CYP4F3: variants seen among roughly 807,000 people sequenced by gnomAD.
The protein encoded by CYP4F3 is cytochrome P450 4F3.
A neutral mutation model predicts 54.8 loss-of-function variants in CYP4F3; 50 were observed. That is an observed-to-expected ratio of 0.91 (90% confidence interval 0.73 to 1.16). The LOEUF (loss-of-function observed/expected upper bound fraction) is 1.16. Among genes scored for constraint, CYP4F3 ranks in the 50% most tolerant of loss-of-function variants. The probability of loss-of-function intolerance (pLI) is 0.00; values close to 1 mark genes in which losing one functional copy is unlikely to be tolerated. For missense variants in CYP4F3, 715 were observed against 676.2 expected, an observed-to-expected ratio of 1.06 and a Z score of -0.64; for synonymous variants, 244 against 262.6, an observed-to-expected ratio of 0.93 and a Z score of 0.69.
At chr19:15,649,430 T>C in intron 6 of CYP4F3, 149 bp downstream of exon 6, 2 of 1,381,574 alleles carry the variant, frequency 1.4e-6, no homozygotes, top group Non-Finnish European at 2.0e-6. Context: ...GAATTTTATC[T>C]TGAGGTTTCC....
In CYP4F3 at chr19:15,659,381, G is replaced by A. The variant is rs1973132144; in HGVS notation, c.1559G>A (p.Ser520Asn). 1 of 1,610,892 alleles carries A rather than the reference G, an allele frequency of 6.2e-7. No individual in the cohort carries two copies. The highest frequency in any genetic ancestry group is 8.5e-7 in the Non-Finnish European group (1 of 1,178,382). Reference protein sequence around the residue: ...GGLWLRVEPLS With the variant: ...GGLWLRVEPLN ...CTTTGGCTGCGGGTGGAGCCCCTGA[G>A]CTGAGTTCTGCAGAGACCCACTCTG... Residue 520 changes from serine to asparagine, a missense_variant, in exon 13 of 13, where the codon AGC (serine) becomes AAC (asparagine). By Grantham distance (46) the Ser-to-Asn change is conservative. Coordinates refer to ENST00000221307, the MANE Select transcript of CYP4F3 (RefSeq NM_000896.3).
At chr19:15,651,153 C>T (rs62104381) in intron 7 of CYP4F3, among the ~76,000 whole-genome samples, 3,858 of 104,368 alleles carry the variant, frequency 0.037, 288 homozygotes, top group South Asian at 0.063. Flanking sequence ...GGATTACAGG[C>T]GTGAGCCACT....
rs373982161 is a variant in CYP4F3, at chr19:15,654,078, AG to A, written c.1115+1128del. The stretch of plus-strand genomic sequence containing the variant: ...GTGGGGACATTCTGAGGCTCAAGCC[AG>A]GCCAGGGGCTGGAGGAAGGAGAGGA... On this transcript the variant is annotated intron_variant, in intron 9 of 12. Coordinates refer to ENST00000221307, the MANE Select transcript of CYP4F3 (RefSeq NM_000896.3). Among the ~76,000 whole-genome samples, 107 of 143,712 alleles carry A rather than the reference AG, an allele frequency of 7.4e-4. 1 individual carries two copies. The highest frequency in any genetic ancestry group is 2.5e-3 in the African/African-American group (100 of 40,102). The allele number at this position is 143,712 out of a possible 152,430, so 94.3% of individuals were successfully genotyped here. A position where few individuals can be genotyped will look rare whatever the true frequency, so the allele number is the denominator to read the frequency against.
At chr19:15,658,158 G>C in intron 9 of CYP4F3, 106 bp from the exon 10 acceptor site, 1 of 1,557,718 alleles carries the variant, frequency 6.4e-7, no homozygotes, top group Non-Finnish European at 8.6e-7. Flanking sequence ...CTTTTAAAAA[G>C]TTTATTTCGT....
At chr19:15,645,035 C>A (rs549726407) in intron 2 of CYP4F3, among the ~76,000 whole-genome samples, 59 of 152,224 alleles carry the variant, frequency 3.9e-4, no homozygotes, top group Non-Finnish European at 6.3e-4. Flanking sequence ...AGTGTTACTT[C>A]CTCTCTTGGC....
Position 15,652,576 on chromosome 19 carries a change from A to T in CYP4F3, c.926A>T (p.Asp309Val). Reference protein sequence around the residue: ...IDVLLLSKDEDGKKLSDEDIR... With the variant: ...IDVLLLSKDEVGKKLSDEDIR... ...TTATTGCCTTCTCTCCAGGATGAAG[A>T]TGGGAAGAAGTTGTCCGATGAGGAC... is the stretch of plus-strand genomic sequence containing the variant. The change falls in exon 8 of 13, where the codon GAT becomes GTT. Residue 309 changes from aspartate to valine, a missense_variant. Transcript: ENST00000221307. The T allele has an allele frequency of 6.2e-7, 1 of 1,614,124 alleles. No homozygotes were observed. Among genetic ancestry groups the T allele is most frequent in the Non-Finnish European group, 8.5e-7 (1 of 1,180,008 alleles).
intron 6 of CYP4F3, among the ~76,000 whole-genome samples, chr19:15,649,704 G>T (rs1972730302): frequency 6.6e-6 from 1 of 152,116 alleles, no homozygotes; most frequent in Non-Finnish European, 1.5e-5. Context: ...CTAGCTGCAT[G>T]GAGGCATCTC....
intron 9 of CYP4F3, among the ~76,000 whole-genome samples, chr19:15,653,824 G>C (rs1030848255): frequency 1.3e-5 from 2 of 152,018 alleles, no homozygotes; most frequent in African/African-American, 4.8e-5. Context: ...GGGAGAAAGA[G>C]GGAGAGACTG....
intron 9 of CYP4F3, 39 bp from the exon 10 acceptor site, chr19:15,658,225 G>T: frequency 6.2e-7 from 1 of 1,603,042 alleles, no homozygotes; most frequent in Non-Finnish European, 8.5e-7. Context: ...TTGTGTCTTT[G>T]CTCCCTTGAT....
At chr19:15,644,650 T>C (rs752975102) in intron 2 of CYP4F3, among the ~76,000 whole-genome samples, 4 of 152,244 alleles carry the variant, frequency 2.6e-5, no homozygotes, top group African/African-American at 9.6e-5. Context: ...CCATCTCTGG[T>C]GTGGGTCAAG....
rs149914442 is a variant in CYP4F3, at chr19:15,658,346, C to G, written c.1198C>G (p.Arg400Gly). Reference protein sequence around the residue: ...RLHPPVPAVSRCCTQDIVLPD... With the variant: ...RLHPPVPAVSGCCTQDIVLPD... ...GCATCCCCCAGTCCCTGCCGTCTCTCGCTGCTGCACCCAAGACATTGTGCT... is the reference window on the plus strand; with the variant it reads ...GCATCCCCCAGTCCCTGCCGTCTCTGGCTGCTGCACCCAAGACATTGTGCT... The change falls in exon 10 of 13, where the codon CGC becomes GGC. Residue 400 changes from arginine to glycine, a missense_variant. By Grantham distance (125) the Arg-to-Gly change is moderately radical. Transcript: ENST00000221307. 3 of 1,614,054 alleles carry G rather than the reference C, an allele frequency of 1.9e-6. No individual in the cohort carries two copies. Among genetic ancestry groups the G allele is most frequent in the African/African-American group, 2.7e-5 (2 of 74,922 alleles).
rs374074246 is a variant in CYP4F3, at chr19:15,658,293, C to T, written c.1145C>T (p.Thr382Ile). The change falls in exon 10 of 13, where the codon ACC (threonine) becomes ATC (isoleucine). Residue 382 changes from threonine (T) to isoleucine (I), a missense_variant. Coordinates refer to ENST00000221307, the MANE Select transcript of CYP4F3 (RefSeq NM_000896.3). ...GACCTGGCCCAGCTGCCCTTCCTGA[C>T]CATGTGCATTAAGGAGAGCCTGAGG... ...WDDLAQLPFL[T>I]MCIKESLRLH... 2 of 1,614,040 alleles carry T rather than the reference C, an allele frequency of 1.2e-6. No individual in the cohort carries two copies. The highest frequency in any genetic ancestry group is 2.7e-5 in the African/African-American group (2 of 74,920).
intron 7 of CYP4F3, among the ~76,000 whole-genome samples, chr19:15,650,920 G>A (rs1367884418): frequency 7.2e-6 from 1 of 139,834 alleles, no homozygotes; most frequent in Admixed American, 7.8e-5. Context: ...TATCACCCAG[G>A]CTGCAGTGCA....
At chr19:15,644,137 G>T in intron 2 of CYP4F3, 1 of 1,407,876 alleles carries the variant, frequency 7.1e-7, no homozygotes, top group African/African-American at 1.5e-5. Flanking sequence ...TGTGGCCCCT[G>T]CAGTACTCTG....
chr19:15,641,470 T>C lies in CYP4F3; in HGVS notation c.55T>C (p.Trp19Arg). The C allele has an allele frequency of 6.2e-7, 1 of 1,614,216 alleles. No individual in the cohort carries two copies. The highest frequency in any genetic ancestry group is 8.5e-7 in the Non-Finnish European group (1 of 1,180,044). ...CCTTTGGCCAATGGCAGCATCCCCG[T>C]GGCTGCTCCTGCTGCTGGTTGGGGC... ...LGLWPMAASP[W>R]LLLLLVGASW... Residue 19 changes from tryptophan (W) to arginine (R), a missense_variant, in exon 2 of 13, where the codon TGG becomes CGG. Transcript: ENST00000221307.
At chr19:15,644,501 A>C (rs1385821304) in intron 2 of CYP4F3, among the ~76,000 whole-genome samples, 1 of 152,186 alleles carries the variant, frequency 6.6e-6, no homozygotes, top group African/African-American at 2.4e-5. Context: ...GTTTGAAAGG[A>C]GAGTGCAGGG....
chr19:15,649,163 A>T lies in CYP4F3; in HGVS notation c.529A>T (p.Lys177Ter). 1 of 1,613,330 alleles carries T rather than the reference A, an allele frequency of 6.2e-7. No homozygotes were observed. The highest frequency in any genetic ancestry group is 2.2e-5 in the East Asian group (1 of 44,844). Residue 177 changes from lysine to a stop codon, truncating the protein, a stop_gained, in exon 6 of 13, where the codon AAG becomes TAG. Coordinates refer to ENST00000221307, the MANE Select transcript of CYP4F3 (RefSeq NM_000896.3). LOFTEE classifies it high-confidence loss of function. The stretch of plus-strand genomic sequence containing the variant: ...CTCTGTCCCCTTCTCTGGCTAGGCC[A>T]AGTGGCAGCTCCTGGCCTCAGAGGG... Reference protein sequence around the residue: ...FNESVNIMHAKWQLLASEGSA... With the variant: ...FNESVNIMHA
At position 15,661,560 on chromosome 19, in the gene CYP4F3, G is replaced by C. The variant is rs183176820; in HGVS notation, c.*2175G>C. The C allele has an allele frequency of 2.6e-5, 4 of 152,184 alleles. No individual in the cohort carries two copies. In the East Asian group the frequency reaches 7.8e-4, roughly 29 times the overall value. 9.4% of individuals were successfully genotyped at this position (152,184 alleles called of 1,614,324 possible). A position where few individuals can be genotyped will look rare whatever the true frequency, so the allele number is the denominator to read the frequency against. ...TATTTGACACTCCTATATTTTCTTT[G>C]GTGAAGTGTCTGTTCAATCATCTGC... On this transcript the variant is annotated 3_prime_UTR_variant, in exon 13 of 13. Transcript: ENST00000221307.
rs1258419270 is a variant in CYP4F3, at chr19:15,649,392, T to C, written c.647+111T>C. ...CAGACAAACCTTCTTGGAGGAGTTG[T>C]TATACCTGATCGTTGAAGGACTGGT... On this transcript the variant is annotated intron_variant, in intron 6 of 12. Coordinates refer to ENST00000221307, the MANE Select transcript of CYP4F3 (RefSeq NM_000896.3). The C allele has an allele frequency of 4.5e-6, 7 of 1,544,562 alleles. No homozygotes were observed. In the East Asian group the frequency reaches 1.6e-4, roughly 35 times the overall value.
Sources: allele counts gnomAD v4.1 joint callset (sites outside exome capture counted in the v4.1 genomes callset), GRCh38; gene constraint gnomAD v4.1.1; transcripts MANE v1.5; gene names NCBI Gene and HGNC (gene_info 2026-07-23, HGNC 2026-07-21).